The following ERBB4 variants were observed in gnomAD, a reference collection of about 807,000 sequenced individuals.
The protein encoded by ERBB4 is receptor tyrosine-protein kinase erbB-4.
ERBB4 carries 42 observed loss-of-function variants against 158.0 expected under a neutral mutation model. The observed-to-expected ratio is 0.27, with a 90% CI of 0.21 to 0.34. ERBB4 has a LOEUF of 0.34. Ranked by LOEUF, ERBB4 falls within the 10% of genes least tolerant of loss-of-function variation. ERBB4 has a pLI of 1.00. For missense variants in ERBB4, 1,333 were observed against 1,624.1 expected, an observed-to-expected ratio of 0.82 and a Z score of 3.08; for synonymous variants, 583 against 558.7, an observed-to-expected ratio of 1.04 and a Z score of -0.61.
intron 3 of ERBB4, among the ~76,000 whole-genome samples, chr2:211,916,994 T>G (rs902132537): frequency 1.3e-5 from 2 of 152,058 alleles, no homozygotes; most frequent in Non-Finnish European, 2.9e-5. Context: ...AATGAAAAAT[T>G]TACAGGAGAC....
Position 211,533,296 on chromosome 2 carries a change from C to A in ERBB4, c.2487+28607G>T, listed in dbSNP as rs542634206. Among the ~76,000 whole-genome samples the A allele has an allele frequency of 5.9e-5, 9 of 152,018 alleles. No individual in the cohort carries two copies. The South Asian group carries it at 1.9e-3, about 31-fold the overall frequency. On this transcript the variant is annotated intron_variant, in intron 20 of 27. Coordinates refer to ENST00000342788, the MANE Select transcript of ERBB4 (RefSeq NM_005235.3). ...TTATGAATTATATACAGTCTTGTGA[C>A]CATGTCTTCTGTAATTTTACAATTC...
intron 3 of ERBB4, among the ~76,000 whole-genome samples, chr2:211,939,730 G>T (rs568154932): frequency 6.6e-6 from 1 of 152,028 alleles, no homozygotes; most frequent in African/African-American, 2.4e-5. Context: ...GGCGGATCAC[G>T]AGGTCAGGAG....
chr2:212,465,445 A>G (rs561789791), intron 1 of ERBB4, among the ~76,000 whole-genome samples: 10 of 152,280 alleles, frequency 6.6e-5, no homozygotes, highest in African/African-American at 2.2e-4. Flanking sequence ...GACAATGATA[A>G]TCTATATTTT....
At chr2:211,829,035 T>C (rs1426455050) in intron 3 of ERBB4, among the ~76,000 whole-genome samples, 3 of 152,182 alleles carry the variant, frequency 2.0e-5, no homozygotes, top group African/African-American at 7.2e-5. Flanking sequence ...CTTTGGTTCA[T>C]GAAGCATTCT....
chr2:211,585,107 C>G (rs1259000384), intron 19 of ERBB4, among the ~76,000 whole-genome samples: 1 of 152,042 alleles, frequency 6.6e-6, no homozygotes, highest in Non-Finnish European at 1.5e-5. Context: ...AATCCCAGCA[C>G]TTTAGGAGGC....
At chr2:211,804,091 CT>C (rs1302967193) in intron 3 of ERBB4, among the ~76,000 whole-genome samples, 3 of 152,260 alleles carry the variant, frequency 2.0e-5, no homozygotes, top group Non-Finnish European at 4.4e-5. Context: ...ACTTCCACTG[CT>C]GAATATTTAC....
intron 1 of ERBB4, among the ~76,000 whole-genome samples, chr2:212,246,632 G>A (rs961288424): frequency 1.3e-5 from 2 of 152,130 alleles, no homozygotes; most frequent in South Asian, 2.1e-4. Flanking sequence ...TGCAGAAGAT[G>A]AGAAATAATT....
chr2:212,405,040 T>A (rs938168741), intron 1 of ERBB4, among the ~76,000 whole-genome samples: 3 of 152,044 alleles, frequency 2.0e-5, no homozygotes, highest in African/African-American at 7.2e-5. Context: ...ATTTTCTTTA[T>A]CCAGTCTATC....
chr2:211,841,423 T>C (rs962439417), intron 3 of ERBB4, among the ~76,000 whole-genome samples: 1 of 152,048 alleles, frequency 6.6e-6, no homozygotes, highest in South Asian at 2.1e-4. Context: ...AACATCATCA[T>C]GAAATGCTTT....
In ERBB4 at chr2:211,972,301, T is replaced by C. The variant is rs1009873951; in HGVS notation, c.235-24685A>G. On this transcript the variant is annotated intron_variant, in intron 2 of 27. Coordinates refer to ENST00000342788, the MANE Select transcript of ERBB4 (RefSeq NM_005235.3). ...ATTCCATGCTCATGGATAGGAAGAA[T>C]CAATATCATTAAAATGGTCATACTG... Among the ~76,000 whole-genome samples the C allele has an allele frequency of 2.6e-5, 4 of 152,150 alleles. No homozygotes were observed. The South Asian group carries it at 8.3e-4, about 31-fold the overall frequency.
At chr2:212,234,840 T>C (rs2083800663) in intron 1 of ERBB4, among the ~76,000 whole-genome samples, 1 of 152,194 alleles carries the variant, frequency 6.6e-6, no homozygotes, top group African/African-American at 2.4e-5. Context: ...TTTTTTCCTG[T>C]AAATTTGTTT....
At chr2:211,724,295 T>A (rs1244772345) in intron 6 of ERBB4, among the ~76,000 whole-genome samples, 32 of 152,042 alleles carry the variant, frequency 2.1e-4, no homozygotes. Flanking sequence ...TTACTGTCTA[T>A]ATCATAAGAG....
At chr2:211,640,646 A>C (rs1439042355) in intron 16 of ERBB4, among the ~76,000 whole-genome samples, 1 of 152,186 alleles carries the variant, frequency 6.6e-6, no homozygotes, top group Non-Finnish European at 1.5e-5. Context: ...TTAAAATATA[A>C]TTATGCGGTT....
At chr2:212,148,534 G>C (rs1488933873) in intron 1 of ERBB4, among the ~76,000 whole-genome samples, 1 of 152,170 alleles carries the variant, frequency 6.6e-6, no homozygotes, top group African/African-American at 2.4e-5. Flanking sequence ...GGATGAAAGA[G>C]ATGGGAGAAA....
chr2:211,890,685 G>A (rs2078940218), intron 3 of ERBB4, among the ~76,000 whole-genome samples: 1 of 132,708 alleles, frequency 7.5e-6, no homozygotes, highest in South Asian at 2.4e-4. Context: ...GACACACATA[G>A]GCTCAAAATA....
chr2:211,649,584 A>G (rs1007881093), intron 16 of ERBB4, among the ~76,000 whole-genome samples: 1 of 151,874 alleles, frequency 6.6e-6, no homozygotes, highest in Non-Finnish European at 1.5e-5. Flanking sequence ...TGTTCAGGAA[A>G]AAACATGGTG....
chr2:211,989,376 A>G (rs1190563368), intron 2 of ERBB4, among the ~76,000 whole-genome samples: 8 of 151,974 alleles, frequency 5.3e-5, no homozygotes, highest in Admixed American at 1.3e-4. Flanking sequence ...TACATTGATC[A>G]TTTGAATTTT....
intron 2 of ERBB4, among the ~76,000 whole-genome samples, chr2:211,951,635 G>T (rs1392408145): frequency 1.3e-5 from 2 of 152,086 alleles, no homozygotes; most frequent in Non-Finnish European, 2.9e-5. Flanking sequence ...CATGTGTCTT[G>T]TCTTCATGGA....
At position 211,887,088 on chromosome 2, in the gene ERBB4, G is replaced by C. The variant is rs1258118164; in HGVS notation, c.421+60342C>G. 2.6e-5 allele frequency among the ~76,000 whole-genome samples: 4 copies of C among 152,134 alleles called. No individual in the cohort carries two copies. In the East Asian group the frequency reaches 5.8e-4, roughly 22 times the overall value. ...CTTTCCACATTACTTAATTGGCTCT[G>C]GTAATATATGCCAACTCTCATTGTT... is the stretch of plus-strand genomic sequence containing the variant. On this transcript the variant is annotated intron_variant, in intron 3 of 27. Coordinates refer to ENST00000342788, the MANE Select transcript of ERBB4 (RefSeq NM_005235.3).
Sources: allele counts gnomAD v4.1 joint callset (sites outside exome capture counted in the v4.1 genomes callset), GRCh38; gene constraint gnomAD v4.1.1; transcripts MANE v1.5; gene names NCBI Gene and HGNC (gene_info 2026-07-23, HGNC 2026-07-21).